Variants in MARCHF1 observed in about 807,000 individuals in gnomAD.
The protein encoded by MARCHF1 is membrane associated ring-CH-type finger 1.
MARCHF1 carries 40 observed loss-of-function variants against 54.2 expected under a neutral mutation model. The observed-to-expected ratio is 0.74, with a 90% CI of 0.57 to 0.96. The LOEUF is 0.96. Ranked by LOEUF, MARCHF1 falls within the 40% of genes least tolerant of loss-of-function variation. The pLI, the probability that MARCHF1 is intolerant of heterozygous loss-of-function variation, is 0.00. For missense variants in MARCHF1, 586 were observed against 656.5 expected, an observed-to-expected ratio of 0.89 and a Z score of 1.17; for synonymous variants, 236 against 236.3, an observed-to-expected ratio of 1.00 and a Z score of 0.01.
At chr4:163,590,052 A>AT (rs2110841861) in intron 7 of MARCHF1, among the ~76,000 whole-genome samples, 1 of 135,062 alleles carries the variant, frequency 7.4e-6, no homozygotes, top group Non-Finnish European at 1.5e-5. Flanking sequence ...TAAATTTTAG[A>AT]TTTTGGTGTG....
At chr4:163,954,443 C>A (rs544043882) in intron 3 of MARCHF1, among the ~76,000 whole-genome samples, 1 of 151,874 alleles carries the variant, frequency 6.6e-6, no homozygotes, top group African/African-American at 2.4e-5. Context: ...TTTAGAGATG[C>A]GTAAAAACAA....
At chr4:164,335,631 CA>C (rs1441516288) in intron 1 of MARCHF1, among the ~76,000 whole-genome samples, 12 of 151,412 alleles carry the variant, frequency 7.9e-5, no homozygotes, top group South Asian at 2.1e-4. Context: ...CAACTTTCAG[CA>C]ACCAACACCC....
At chr4:164,363,042 T>C (rs1001526217) in intron 1 of MARCHF1, among the ~76,000 whole-genome samples, 1 of 152,104 alleles carries the variant, frequency 6.6e-6, no homozygotes, top group African/African-American at 2.4e-5. Flanking sequence ...AAAGGCTTAT[T>C]AACAATAAAC....
At chr4:163,574,650 C>T (rs965897963) in intron 8 of MARCHF1, among the ~76,000 whole-genome samples, 33 of 151,198 alleles carry the variant, frequency 2.2e-4, no homozygotes, top group African/African-American at 7.3e-4. Flanking sequence ...TTTCTGAGGG[C>T]TCTGTTCTGT....
chr4:163,671,099 G>C (rs1173152925), intron 5 of MARCHF1, among the ~76,000 whole-genome samples: 1 of 152,166 alleles, frequency 6.6e-6, no homozygotes, highest in Admixed American at 6.5e-5. Flanking sequence ...CCAGTTCCCT[G>C]CTTTAGCAGT....
At chr4:163,620,241 A>G (rs1357643887) in intron 5 of MARCHF1, among the ~76,000 whole-genome samples, 3 of 152,172 alleles carry the variant, frequency 2.0e-5, no homozygotes, top group Non-Finnish European at 4.4e-5. Context: ...AGATCAGCAC[A>G]TTTTAAAGAG....
chr4:164,073,852 G>A (rs1023508628), intron 2 of MARCHF1, among the ~76,000 whole-genome samples: 7 of 151,908 alleles, frequency 4.6e-5, no homozygotes, highest in Admixed American at 2.0e-4. Context: ...TCGCCAGGCT[G>A]GAGTGCAGTG....
chr4:164,026,328 T>G (rs1226502269), intron 2 of MARCHF1, among the ~76,000 whole-genome samples: 1 of 152,032 alleles, frequency 6.6e-6, no homozygotes, highest in Non-Finnish European at 1.5e-5. Flanking sequence ...AGATTCATAA[T>G]CCCTCAAGAA....
intron 4 of MARCHF1, among the ~76,000 whole-genome samples, chr4:163,708,097 C>A (rs1368210300): frequency 1.3e-5 from 2 of 151,380 alleles, no homozygotes; most frequent in African/African-American, 2.4e-5. Context: ...TAGTTGCAAT[C>A]CCCCCCTGTA....
intron 1 of MARCHF1, among the ~76,000 whole-genome samples, chr4:164,356,473 G>A (rs1265965882): frequency 1.7e-5 from 2 of 120,992 alleles, no homozygotes; most frequent in African/African-American, 2.8e-5. Context: ...GTAGGGACAT[G>A]GATGAAATTG....
intron 4 of MARCHF1, among the ~76,000 whole-genome samples, chr4:163,821,579 AAATT>A (rs1263388465): frequency 2.6e-5 from 4 of 152,070 alleles, no homozygotes; most frequent in Admixed American, 6.6e-5. Context: ...CATAAACAAA[AAATT>A]AATCATAAAA....
At chr4:163,582,211 A>G (rs955281681) in intron 8 of MARCHF1, among the ~76,000 whole-genome samples, 1 of 152,172 alleles carries the variant, frequency 6.6e-6, no homozygotes, top group South Asian at 2.1e-4. Context: ...TATGTGTGAC[A>G]TTTTGACTTT....
intron 8 of MARCHF1, among the ~76,000 whole-genome samples, chr4:163,583,430 T>C (rs1176822581): frequency 6.6e-6 from 1 of 152,182 alleles, no homozygotes; most frequent in Non-Finnish European, 1.5e-5. Context: ...CCCCTATACA[T>C]ATATAAGTGC....
chr4:164,007,243 G>A (rs1753311495), intron 2 of MARCHF1, among the ~76,000 whole-genome samples: 1 of 149,832 alleles, frequency 6.7e-6, no homozygotes, highest in Non-Finnish European at 1.5e-5. Flanking sequence ...CTACTCGGGA[G>A]GCTGAGGCAG....
chr4:163,779,195 T>G (rs1747392827), intron 4 of MARCHF1, among the ~76,000 whole-genome samples: 1 of 152,190 alleles, frequency 6.6e-6, no homozygotes, highest in African/African-American at 2.4e-5. Context: ...AAATCTCTCC[T>G]TCTGTCTTTT....
Position 164,021,867 on chromosome 4 carries a change from T to TATA in MARCHF1, c.-247-33159_-247-33158insTAT, listed in dbSNP as rs1553970642. On this transcript the variant is annotated intron_variant, in intron 2 of 9. Coordinates refer to ENST00000514618, the MANE Select transcript of MARCHF1 (RefSeq NM_001394959.1). ...GAACCTCCATGTCAAAAAAAAAAAA[T>TATA]TATATATATATATATATGGTCCATT... is the stretch of plus-strand genomic sequence containing the variant. Among the ~76,000 whole-genome samples, 11 of 147,046 alleles carry TATA rather than the reference T, an allele frequency of 7.5e-5. No individual in the cohort carries two copies. In the South Asian group the frequency reaches 8.6e-4, roughly 12 times the overall value.
intron 3 of MARCHF1, among the ~76,000 whole-genome samples, chr4:163,904,764 A>AGAGACAGAGACG (rs1489589781): frequency 4.4e-5 from 1 of 22,742 alleles, no homozygotes; most frequent in African/African-American, 7.0e-5. Context: ...GGAGAGAGAA[A>AGAGACAGAGACG]GAGACAGAGA....
chr4:164,361,357 C>T (rs1284811270), intron 1 of MARCHF1, among the ~76,000 whole-genome samples: 4 of 152,112 alleles, frequency 2.6e-5, no homozygotes, highest in Non-Finnish European at 5.9e-5. Context: ...AACCACCATC[C>T]TCCTACAACT....
At chr4:164,357,383 T>C (rs1183789368) in intron 1 of MARCHF1, among the ~76,000 whole-genome samples, 1 of 152,166 alleles carries the variant, frequency 6.6e-6, no homozygotes, top group Non-Finnish European at 1.5e-5. Flanking sequence ...TCTCTTTTTC[T>C]GAGTCAGGTT....
Sources: gnomAD v4.1 joint callset for allele counts (sites outside exome capture counted in the v4.1 genomes callset) on GRCh38, gnomAD v4.1.1 for gene constraint, MANE v1.5 for transcripts, NCBI Gene and HGNC (gene_info 2026-07-23, HGNC 2026-07-21) for gene names.